The following XKR6 variants were observed in gnomAD, a reference collection of about 807,000 sequenced individuals.
XKR6 encodes the protein XK-related protein 6.
XKR6 carries 22 observed loss-of-function variants against 56.7 expected under a neutral mutation model. That is an observed-to-expected ratio of 0.39 (90% CI 0.28 to 0.55). The LOEUF is 0.55. Ranked by LOEUF, XKR6 falls within the 20% of genes least tolerant of loss-of-function variation. XKR6 has a pLI of 0.66. For missense variants in XKR6, 852 were observed against 889.0 expected (o/e 0.96, Z 0.53); for synonymous variants, 524 against 387.8 (o/e 1.35, Z -4.13).
intron 1 of XKR6, among the ~76,000 whole-genome samples, chr8:11,172,460 T>C (rs1028847016): frequency 6.6e-6 from 1 of 152,286 alleles, no homozygotes; most frequent in South Asian, 2.1e-4. Context: ...TAACGTTATA[T>C]CAGTTTGGCC....
At chr8:10,939,718 C>G (rs1431683925) in intron 1 of XKR6, among the ~76,000 whole-genome samples, 1 of 152,256 alleles carries the variant, frequency 6.6e-6, no homozygotes, top group Admixed American at 6.5e-5. Flanking sequence ...TAATGCAGAG[C>G]TCTGCTTTCG....
Position 11,099,901 on chromosome 8 carries a change from G to C in XKR6, c.764+100675C>G, listed in dbSNP as rs77048236. Among the ~76,000 whole-genome samples, 429 of 152,292 alleles carry C rather than the reference G, an allele frequency of 2.8e-3. 11 individuals carry two copies. Among genetic ancestry groups the C allele is most frequent in the East Asian group, 0.022 (115 of 5,180 alleles). ...CGGAGGAGACAATTTAGCAGAGATG[G>C]AGCCATAAGCACATGGGGAGGAGCA... On this transcript the variant is annotated intron_variant, in intron 1 of 2. Transcript: ENST00000416569.
At chr8:11,141,683 G>C (rs960287664) in intron 1 of XKR6, among the ~76,000 whole-genome samples, 3 of 152,130 alleles carry the variant, frequency 2.0e-5, no homozygotes, top group African/African-American at 7.2e-5. Context: ...ATGAGTGATC[G>C]TGTGCCCAGT....
intron 1 of XKR6, among the ~76,000 whole-genome samples, chr8:10,952,058 C>T (rs963253141): frequency 1.3e-5 from 2 of 152,142 alleles, no homozygotes; most frequent in African/African-American, 4.8e-5. Context: ...CTATAAAGGG[C>T]ACATGCAGCA....
chr8:11,153,315 T>C (rs1226230087), intron 1 of XKR6, among the ~76,000 whole-genome samples: 1 of 152,210 alleles, frequency 6.6e-6, no homozygotes, highest in Non-Finnish European at 1.5e-5. Flanking sequence ...TGAGGAAATA[T>C]GGAATTACTC....
intron 1 of XKR6, among the ~76,000 whole-genome samples, chr8:11,117,496 C>A (rs1799238557): frequency 6.6e-6 from 1 of 152,174 alleles, no homozygotes; most frequent in Non-Finnish European, 1.5e-5. Flanking sequence ...AGCGGCTGGC[C>A]ATTTGGGAAA....
chr8:10,959,960 G>C (rs576272398), intron 1 of XKR6, among the ~76,000 whole-genome samples: 1 of 152,254 alleles, frequency 6.6e-6, no homozygotes, highest in East Asian at 1.9e-4. Context: ...ATTTAAGGCA[G>C]CACTCACACT....
intron 1 of XKR6, among the ~76,000 whole-genome samples, chr8:11,161,525 T>A (rs114699603): frequency 1.8e-3 from 273 of 152,358 alleles, no homozygotes; most frequent in African/African-American, 6.3e-3. Context: ...GTGCTAACAA[T>A]GACCACAATG....
intron 1 of XKR6, among the ~76,000 whole-genome samples, chr8:11,060,047 A>AT (rs563076477): frequency 1.1e-3 from 175 of 152,210 alleles, no homozygotes; most frequent in African/African-American, 4.1e-3. Context: ...TAATAATTCC[A>AT]TTCTTTTAAA....
chr8:10,911,400 A>G (rs1800360571), intron 2 of XKR6, among the ~76,000 whole-genome samples: 1 of 149,030 alleles, frequency 6.7e-6, no homozygotes, highest in Non-Finnish European at 1.5e-5. Flanking sequence ...GTATATAAAT[A>G]CAGAGAATGA....
At chr8:10,916,168 C>A (rs548394942) in intron 2 of XKR6, among the ~76,000 whole-genome samples, 20 of 152,236 alleles carry the variant, frequency 1.3e-4, no homozygotes, top group Non-Finnish European at 2.6e-4. Context: ...CATAGGAACT[C>A]TGGACCAGGT....
At chr8:11,137,317 C>G in intron 1 of XKR6, 1 of 297,658 alleles carries the variant, frequency 3.4e-6, no homozygotes, top group South Asian at 3.0e-5. Flanking sequence ...CAATACATAT[C>G]AGAGCATAAG....
chr8:11,027,582 T>A (rs529734666), intron 1 of XKR6, among the ~76,000 whole-genome samples: 1 of 152,192 alleles, frequency 6.6e-6, no homozygotes, highest in Non-Finnish European at 1.5e-5. Context: ...AGTAAATTAC[T>A]CCAAGTCACA....
chr8:10,987,694 C>T (rs947914277), intron 1 of XKR6, among the ~76,000 whole-genome samples: 1 of 152,216 alleles, frequency 6.6e-6, no homozygotes. Flanking sequence ...CATGACTTCC[C>T]ACTTCACCTA....
chr8:11,092,410 T>G (rs1192276858), intron 1 of XKR6, among the ~76,000 whole-genome samples: 2 of 152,194 alleles, frequency 1.3e-5, no homozygotes, highest in Non-Finnish European at 2.9e-5. Context: ...TGCAACCCAT[T>G]ATATGGAGTT....
intron 1 of XKR6, among the ~76,000 whole-genome samples, chr8:11,131,862 C>T: frequency 6.6e-6 from 1 of 152,152 alleles, no homozygotes; most frequent in East Asian, 1.9e-4. Context: ...CAGGCTATAC[C>T]AGACAGTGTA....
chr8:11,121,349 C>G (rs559633209), intron 1 of XKR6, among the ~76,000 whole-genome samples: 1 of 152,184 alleles, frequency 6.6e-6, no homozygotes, highest in Non-Finnish European at 1.5e-5. Flanking sequence ...AAGAAAAAAA[C>G]AAACAACCCC....
chr8:11,169,658 G>A (rs943513917), intron 1 of XKR6, among the ~76,000 whole-genome samples: 6 of 152,120 alleles, frequency 3.9e-5, no homozygotes, highest in Non-Finnish European at 7.4e-5. Flanking sequence ...AGTATTTAAC[G>A]GGTACAGAGT....
At chr8:11,059,273 C>G (rs1257914647) in intron 1 of XKR6, among the ~76,000 whole-genome samples, 1 of 151,798 alleles carries the variant, frequency 6.6e-6, no homozygotes, top group African/African-American at 2.4e-5. Flanking sequence ...GCGGTCCTGG[C>G]GCCTCAGAAA....
Sources: gnomAD v4.1 joint callset for allele counts (sites outside exome capture counted in the v4.1 genomes callset) on GRCh38, gnomAD v4.1.1 for gene constraint, MANE v1.5 for transcripts, NCBI Gene and HGNC (gene_info 2026-07-23, HGNC 2026-07-21) for gene names.